MAP2: variants seen among roughly 807,000 people sequenced by gnomAD.
The protein encoded by MAP2 is microtubule associated protein 2, also known as microtubule-associated protein 2.
Under a neutral mutation model 137.6 loss-of-function variants are expected in MAP2, and 14 were observed. The observed-to-expected ratio is 0.10, with a 90% confidence interval of 0.07 to 0.16. The LOEUF is 0.16. Among genes scored for constraint, MAP2 ranks in the 10% least tolerant of loss-of-function variants. The pLI is 1.00. For missense variants in MAP2, 2,088 were observed against 2,191.5 expected (o/e 0.95, Z 0.94); for synonymous variants, 786 against 782.3 (o/e 1.00, Z -0.08).
At chr2:209,440,705 G>T (rs903237593) in intron 1 of MAP2, among the ~76,000 whole-genome samples, 6 of 151,452 alleles carry the variant, frequency 4.0e-5, no homozygotes, top group Admixed American at 6.6e-5. Context: ...ATAAAGGAAG[G>T]TTGGAATTAT....
chr2:209,458,520 C>A (rs1219986864), intron 1 of MAP2, among the ~76,000 whole-genome samples: 1 of 152,132 alleles, frequency 6.6e-6, no homozygotes, highest in African/African-American at 2.4e-5. Flanking sequence ...AACTAGAACT[C>A]ATTCACAGTA....
chr2:209,675,202 C>G (rs938704150), intron 5 of MAP2, among the ~76,000 whole-genome samples: 4 of 151,744 alleles, frequency 2.6e-5, no homozygotes, highest in East Asian at 3.9e-4. Context: ...TAAATTACTT[C>G]AAAGAAGAAA....
intron 1 of MAP2, among the ~76,000 whole-genome samples, chr2:209,441,638 A>G (rs1413448350): frequency 1.3e-5 from 2 of 151,622 alleles, no homozygotes; most frequent in African/African-American, 4.8e-5. Flanking sequence ...TCAGAGTAAG[A>G]AAAGGATTTA....
intron 2 of MAP2, among the ~76,000 whole-genome samples, chr2:209,563,559 G>GT (rs2072688252): frequency 6.6e-6 from 1 of 151,966 alleles, no homozygotes; most frequent in South Asian, 2.1e-4. Context: ...ACCCACCCCC[G>GT]TATACTTCTC....
At position 209,693,258 on chromosome 2, in the gene MAP2, A is replaced by C. The variant is rs554559632; in HGVS notation, c.1088A>C (p.Lys363Thr). 26 of 1,614,060 alleles carry C rather than the reference A, an allele frequency of 1.6e-5. No individual in the cohort carries two copies. The highest frequency in any genetic ancestry group is 2.0e-5 in the Non-Finnish European group (24 of 1,179,998). ...CAAACCAGTGGCCCAGCTACTGCCAAAGATAGTTTTAAAATTGAAGAGCCC... is the reference window on the plus strand; with the variant it reads ...CAAACCAGTGGCCCAGCTACTGCCACAGATAGTTTTAAAATTGAAGAGCCC... ...LQQTSGPATA[K>T]DSFKIEEPHE... The change falls in exon 8 of 16, where the codon AAA becomes ACA. Residue 363 changes from lysine (K) to threonine (T), a missense_variant. By Grantham distance (78) the Lys-to-Thr change is moderately conservative (BLOSUM62 -1). This residue lies in a region of MAP2 where 859 missense variants were observed against 794.5 expected (regional missense o/e 1.08). Coordinates refer to ENST00000682079, the MANE Select transcript of MAP2 (RefSeq NM_001375505.1).
chr2:209,544,990 G>A (rs1410732020), intron 2 of MAP2, among the ~76,000 whole-genome samples: 1 of 152,144 alleles, frequency 6.6e-6, no homozygotes, highest in Non-Finnish European at 1.5e-5. Flanking sequence ...CATGAGCAGT[G>A]TGAAGAGATT....
At chr2:209,593,619 C>CAAAAA (rs781329429) in intron 3 of MAP2, among the ~76,000 whole-genome samples, 151 of 2,924 alleles carry the variant, frequency 0.052, 37 homozygotes, top group Non-Finnish European at 0.11. Context: ...CCTGTCTCTA[C>CAAAAA]AAAAAAAAAA....
At position 209,732,899 on chromosome 2, in the gene MAP2, AAAGGAACT is replaced by A; in HGVS notation, c.*2503_*2510del. On this transcript the variant is annotated 3_prime_UTR_variant, in exon 16 of 16. Transcript: ENST00000682079. The stretch of plus-strand genomic sequence containing the variant: ...TACAATTCTTTATTAAAGTTAACAG[AAAGGAACT>A]GATCGTTTGTACCAGTAAAAGAGAG... 6.5e-6 allele frequency: 1 copy of A among 152,774 alleles called. No individual in the cohort carries two copies. The highest frequency in any genetic ancestry group is 2.1e-4 in the South Asian group (1 of 4,822). 9.5% of individuals were successfully genotyped at this position (152,774 alleles called of 1,614,324 possible). A position where few individuals can be genotyped will look rare whatever the true frequency, so the allele number is the denominator to read the frequency against.
intron 2 of MAP2, among the ~76,000 whole-genome samples, chr2:209,556,024 C>CTT (rs34673279): frequency 1.9e-3 from 257 of 134,158 alleles, no homozygotes; most frequent in African/African-American, 5.5e-3. Flanking sequence ...GGCATTCTTT[C>CTT]TTTTTTTTTT....
chr2:209,512,586 CACACACACACACACAA>C lies in MAP2; in HGVS notation c.-172+4951_-172+4966del, dbSNP rs1238317993. ...ACACACACACACACACACACACACA[CACACACACACACACAA>C]ACACATATATATATAAAATGTATGA... On this transcript the variant is annotated intron_variant, in intron 2 of 15. Transcript: ENST00000682079. Among the ~76,000 whole-genome samples the C allele has an allele frequency of 4.3e-3, 531 of 122,880 alleles. 3 individuals carry two copies. Among genetic ancestry groups the C allele is most frequent in the South Asian group, 0.022 (83 of 3,842 alleles). The allele number at this position is 122,880 out of a possible 152,430, so 80.6% of individuals were successfully genotyped here. A position where few individuals can be genotyped will look rare whatever the true frequency, so the allele number is the denominator to read the frequency against.
intron 4 of MAP2, among the ~76,000 whole-genome samples, chr2:209,644,476 C>T (rs569257115): frequency 6.6e-6 from 1 of 151,980 alleles, no homozygotes; most frequent in South Asian, 2.1e-4. Context: ...CCCTCTTAAC[C>T]CAATTTGCTA....
intron 1 of MAP2, among the ~76,000 whole-genome samples, chr2:209,428,962 T>C (rs1693401062): frequency 9.1e-6 from 1 of 109,762 alleles, no homozygotes; most frequent in Admixed American, 8.9e-5. Flanking sequence ...TTTATTTATT[T>C]ATTTATTTTG....
At chr2:209,593,749 T>C (rs1322827009) in intron 3 of MAP2, among the ~76,000 whole-genome samples, 2 of 814 alleles carry the variant, frequency 2.5e-3, no homozygotes, top group Non-Finnish European at 0.2. Flanking sequence ...CATTATATTA[T>C]ATTATATATA....
intron 1 of MAP2, among the ~76,000 whole-genome samples, chr2:209,449,772 A>G (rs922511652): frequency 6.6e-6 from 1 of 152,094 alleles, no homozygotes; most frequent in Admixed American, 6.5e-5. Context: ...TCAGATCTGA[A>G]TAGGCTTTCA....
In MAP2 at chr2:209,693,878, T is replaced by G; in HGVS notation, c.1708T>G (p.Ser570Ala). The stretch of plus-strand genomic sequence containing the variant: ...ATTTTATGAAGATAAATCAGGAATG[T>G]CCAAGTACTTTGAAACATCTGCCTT... ...MPFYEDKSGM[S>A]KYFETSALKE... Residue 570 changes from serine (S) to alanine (A), a missense_variant, in exon 8 of 16, where the codon TCC (serine) becomes GCC (alanine). Physicochemically the swap from Ser to Ala is moderately conservative, Grantham distance 99 (BLOSUM62 1). Around this residue, in one of 6 missense-constraint regions of MAP2, gnomAD observed 859 missense variants for 794.5 expected, o/e 1.08. Transcript: ENST00000682079. 6.2e-7 allele frequency: 1 copy of G among 1,612,280 alleles called. No homozygotes were observed. The highest frequency in any genetic ancestry group is 1.1e-5 in the South Asian group (1 of 90,572).
At chr2:209,533,239 G>T (rs951735833) in intron 2 of MAP2, among the ~76,000 whole-genome samples, 3 of 152,100 alleles carry the variant, frequency 2.0e-5, no homozygotes, top group African/African-American at 7.2e-5. Context: ...CCGCCTCCCA[G>T]GTTCAAGCGA....
intron 2 of MAP2, among the ~76,000 whole-genome samples, chr2:209,570,633 T>C (rs2074244126): frequency 6.6e-6 from 1 of 151,900 alleles, no homozygotes; most frequent in Admixed American, 6.6e-5. Context: ...AGTATAATGA[T>C]GGTTTTTGTT....
chr2:209,503,770 A>G (rs1294886015), intron 1 of MAP2, among the ~76,000 whole-genome samples: 1 of 152,190 alleles, frequency 6.6e-6, no homozygotes, highest in East Asian at 1.9e-4. Flanking sequence ...AGAATTGGAA[A>G]AAATACGACA....
chr2:209,604,461 T>C lies in MAP2; in HGVS notation c.-106-20592T>C, dbSNP rs182068102. On this transcript the variant is annotated intron_variant, in intron 3 of 15. Coordinates refer to ENST00000682079, the MANE Select transcript of MAP2 (RefSeq NM_001375505.1). The stretch of plus-strand genomic sequence containing the variant: ...CTAAAGAAACTCACCAATATTCATT[T>C]TGGTGATACATTTGTTCTCTAATAT... Among the ~76,000 whole-genome samples, 678 of 152,256 alleles carry C rather than the reference T, an allele frequency of 4.5e-3. 2 individuals carry two copies. Among genetic ancestry groups the C allele is most frequent in the Non-Finnish European group, 7.7e-3 (522 of 68,004 alleles).
Sources: gnomAD v4.1 joint callset for allele counts (sites outside exome capture counted in the v4.1 genomes callset) on GRCh38, gnomAD v4.1.1 for gene constraint, gnomAD v4.1.1 regional missense constraint, MANE v1.5 for transcripts, NCBI Gene and HGNC (gene_info 2026-07-23, HGNC 2026-07-21) for gene names.